The following GRID2 variants were observed in gnomAD, a reference collection of about 807,000 sequenced individuals.
GRID2 encodes the protein glutamate receptor ionotropic, delta-2.
Under a neutral mutation model 114.8 loss-of-function variants are expected in GRID2, and 33 were observed. That is an observed-to-expected ratio of 0.29 (90% CI 0.22 to 0.38). GRID2 has a LOEUF of 0.38. Among genes scored for constraint, GRID2 ranks in the 10% least tolerant of loss-of-function variants. GRID2 has a pLI of 1.00. For missense variants in GRID2, 1,184 were observed against 1,257.7 expected (o/e 0.94, Z 0.89); for synonymous variants, 505 against 449.9 (o/e 1.12, Z -1.55).
intron 14 of GRID2, among the ~76,000 whole-genome samples, chr4:93,645,675 C>A (rs952135555): frequency 1.3e-5 from 2 of 152,138 alleles, no homozygotes; most frequent in African/African-American, 4.8e-5. Context: ...ACATCTAATA[C>A]ATTTTGTGGA....
chr4:93,498,176 C>T (rs1433112664), intron 12 of GRID2, among the ~76,000 whole-genome samples: 1 of 151,786 alleles, frequency 6.6e-6, no homozygotes, highest in African/African-American at 2.4e-5. Flanking sequence ...CCTCACAGTT[C>T]TGGATGCTGG....
Position 93,743,147 on chromosome 4 carries a change from T to C in GRID2, c.2361-26063T>C, listed in dbSNP as rs539032217. On this transcript the variant is annotated intron_variant, in intron 14 of 15. Transcript: ENST00000282020. ...GGATAGAAGATCATACCAGCCATAA[T>C]ATTCCCTTAGGCCAAAGCCTAACCC... Among the ~76,000 whole-genome samples, 66 of 152,340 alleles carry C rather than the reference T, an allele frequency of 4.3e-4. 1 individual carries two copies. The South Asian group carries it at 9.3e-3, about 21-fold the overall frequency.
chr4:92,692,316 CT>C (rs1734218200), intron 2 of GRID2, among the ~76,000 whole-genome samples: 1 of 152,028 alleles, frequency 6.6e-6, no homozygotes, highest in Non-Finnish European at 1.5e-5. Context: ...TAATATATGT[CT>C]TACTTTGTTA....
chr4:92,411,393 T>A (rs1484825049), intron 1 of GRID2, among the ~76,000 whole-genome samples: 1 of 152,038 alleles, frequency 6.6e-6, no homozygotes, highest in Non-Finnish European at 1.5e-5. Context: ...CTGGTAGAAA[T>A]CTTACAAAAT....
intron 8 of GRID2, among the ~76,000 whole-genome samples, chr4:93,335,563 A>G (rs1390690626): frequency 6.6e-6 from 1 of 152,364 alleles, no homozygotes; most frequent in South Asian, 2.1e-4. Flanking sequence ...AGTAACAACA[A>G]TAACAACTAA....
intron 8 of GRID2, among the ~76,000 whole-genome samples, chr4:93,368,831 AAG>A (rs1189006841): frequency 1.3e-5 from 2 of 152,218 alleles, no homozygotes; most frequent in Non-Finnish European, 2.9e-5. Context: ...GAAAAATTTA[AAG>A]AGTCTTCCAC....
intron 1 of GRID2, among the ~76,000 whole-genome samples, chr4:92,324,276 C>T (rs1726473615): frequency 6.6e-6 from 1 of 151,936 alleles, no homozygotes; most frequent in Non-Finnish European, 1.5e-5. Flanking sequence ...ACAGCTTGCA[C>T]TCTCCACTCT....
chr4:92,494,943 A>G (rs1244108487), intron 1 of GRID2, among the ~76,000 whole-genome samples: 1 of 152,038 alleles, frequency 6.6e-6, no homozygotes, highest in East Asian at 1.9e-4. Flanking sequence ...GTGAATTTCT[A>G]TTACATTTTA....
At chr4:93,026,483 T>C (rs931308915) in intron 2 of GRID2, among the ~76,000 whole-genome samples, 2 of 151,898 alleles carry the variant, frequency 1.3e-5, no homozygotes, top group Non-Finnish European at 2.9e-5. Context: ...TAAAAATTAT[T>C]TTACAATGTG....
intron 8 of GRID2, among the ~76,000 whole-genome samples, chr4:93,336,237 G>A (rs1460611637): frequency 6.6e-6 from 1 of 151,802 alleles, no homozygotes; most frequent in Non-Finnish European, 1.5e-5. Context: ...TATTCCTTTT[G>A]TATACCCCCA....
At chr4:93,552,958 T>A (rs1183079413) in intron 13 of GRID2, among the ~76,000 whole-genome samples, 2 of 152,154 alleles carry the variant, frequency 1.3e-5, no homozygotes, top group Non-Finnish European at 2.9e-5. Context: ...GCAAAGGACA[T>A]GAACTCATCC....
intron 1 of GRID2, among the ~76,000 whole-genome samples, chr4:92,333,688 C>T (rs574928078): frequency 2.6e-5 from 4 of 152,160 alleles, no homozygotes; most frequent in Admixed American, 6.5e-5. Flanking sequence ...CAACTTCTTC[C>T]GTATTTTGTT....
At chr4:92,639,763 G>A (rs1731255210) in intron 2 of GRID2, among the ~76,000 whole-genome samples, 1 of 151,522 alleles carries the variant, frequency 6.6e-6, no homozygotes, top group African/African-American at 2.4e-5. Flanking sequence ...AATTACACTT[G>A]TACCTTATAA....
At chr4:92,394,703 G>C (rs1730410168) in intron 1 of GRID2, among the ~76,000 whole-genome samples, 1 of 151,734 alleles carries the variant, frequency 6.6e-6, no homozygotes, top group African/African-American at 2.4e-5. Flanking sequence ...CAACTTGAAA[G>C]AATTATTAGT....
chr4:93,128,043 A>G (rs1001744814), intron 4 of GRID2, among the ~76,000 whole-genome samples: 3 of 144,288 alleles, frequency 2.1e-5, no homozygotes, highest in Non-Finnish European at 4.5e-5. Context: ...AAAAAAAAAA[A>G]AAAAAAAAAA....
At chr4:92,896,437 C>A (rs1747169397) in intron 2 of GRID2, among the ~76,000 whole-genome samples, 1 of 152,006 alleles carries the variant, frequency 6.6e-6, no homozygotes, top group Admixed American at 6.6e-5. Flanking sequence ...AAAAATAAAA[C>A]ATTGTTTGGC....
intron 2 of GRID2, among the ~76,000 whole-genome samples, chr4:93,060,481 AT>A (rs1727680172): frequency 6.6e-6 from 1 of 152,124 alleles, no homozygotes; most frequent in Non-Finnish European, 1.5e-5. Flanking sequence ...AAAGTCACAT[AT>A]TTTAAATGCT....
intron 2 of GRID2, 88 bp from the exon 3 acceptor site, chr4:93,084,907 T>C: frequency 1.1e-6 from 1 of 932,394 alleles, no homozygotes; most frequent in Non-Finnish European, 1.6e-6. Context: ...ATAAAAAATC[T>C]GTAAGCTTTA....
intron 1 of GRID2, among the ~76,000 whole-genome samples, chr4:93,786,219 T>C (rs1734589548): frequency 6.6e-6 from 1 of 152,148 alleles, no homozygotes. Context: ...AGAACAGTGT[T>C]CAGAATGGTG....
Sources: allele counts gnomAD v4.1 joint callset (sites outside exome capture counted in the v4.1 genomes callset), GRCh38; gene constraint gnomAD v4.1.1; transcripts MANE v1.5; gene names NCBI Gene and HGNC (gene_info 2026-07-23, HGNC 2026-07-21).